RSRC1: variants seen among roughly 807,000 people sequenced by gnomAD.
RSRC1 encodes the protein arginine and serine rich coiled-coil 1, also known as serine/Arginine-related protein 53.
Under a neutral mutation model 49.1 loss-of-function variants are expected in RSRC1, and 39 were observed. The observed-to-expected ratio is 0.79, with a 90% CI of 0.61 to 1.04. The LOEUF (loss-of-function observed/expected upper bound fraction) is 1.04. Among genes scored for constraint, RSRC1 ranks in the 50% least tolerant of loss-of-function variants. The pLI, the probability that RSRC1 is intolerant of heterozygous loss-of-function variation, is 0.00. For synonymous variants in RSRC1, 143 were observed against 130.8 expected (o/e 1.09, Z -0.63); for missense variants, 388 against 402.4 (o/e 0.96, Z 0.31).
chr3:158,284,400 A>G (rs945030180), intron 4 of RSRC1, among the ~76,000 whole-genome samples: 2 of 146,762 alleles, frequency 1.4e-5, no homozygotes, highest in Admixed American at 6.8e-5. Context: ...TCCTTTGGGT[A>G]TATACCCAGT....
At chr3:158,314,154 G>A (rs761617620) in intron 5 of RSRC1, among the ~76,000 whole-genome samples, 8 of 152,098 alleles carry the variant, frequency 5.3e-5, no homozygotes, top group Non-Finnish European at 8.8e-5. Flanking sequence ...GCAGTGGCAC[G>A]ATCTCAGCTC....
chr3:158,180,804 C>CTTT (rs71144445), intron 3 of RSRC1, among the ~76,000 whole-genome samples: 21 of 107,394 alleles, frequency 2.0e-4, no homozygotes, highest in South Asian at 3.2e-4. Flanking sequence ...GGATTATATG[C>CTTT]TTTTTTTTTT....
chr3:158,411,684 C>T (rs1239386694), intron 6 of RSRC1, among the ~76,000 whole-genome samples: 1 of 151,880 alleles, frequency 6.6e-6, no homozygotes, highest in African/African-American at 2.4e-5. Context: ...CACCTGGCAG[C>T]ATTTTAATTT....
At chr3:158,287,190 G>A (rs1429017564) in intron 4 of RSRC1, among the ~76,000 whole-genome samples, 2 of 152,120 alleles carry the variant, frequency 1.3e-5, no homozygotes, top group African/African-American at 4.8e-5. Flanking sequence ...ATTTGGGATT[G>A]TTGACTGTGT....
intron 7 of RSRC1, among the ~76,000 whole-genome samples, chr3:158,472,116 T>A (rs1264827051): frequency 2.0e-5 from 3 of 152,138 alleles, no homozygotes; most frequent in African/African-American, 7.2e-5. Context: ...TACCCAGCCC[T>A]TGTTCCTACC....
chr3:158,186,461 C>G (rs144669695), intron 3 of RSRC1, among the ~76,000 whole-genome samples: 2 of 152,040 alleles, frequency 1.3e-5, no homozygotes, highest in South Asian at 2.1e-4. Context: ...TCAGATTTAA[C>G]AAGGGAACCA....
At position 158,229,033 on chromosome 3, in the gene RSRC1, T is replaced by TATAAACACACATACGTGTATATGTGC. The variant is rs1578218325; in HGVS notation, c.494+25788_494+25789insATAAACACACATACGTGTATATGTGC. ...ATAAACACACATACGTGTATATGTG[T>TATAAACACACATACGTGTATATGTGC]GTATAAACACACATACGTGTATATG... On this transcript the variant is annotated intron_variant, in intron 4 of 9. Coordinates refer to ENST00000611884, the MANE Select transcript of RSRC1 (RefSeq NM_001271838.2). Among the ~76,000 whole-genome samples, 4 of 94,684 alleles carry TATAAACACACATACGTGTATATGTGC rather than the reference T, an allele frequency of 4.2e-5. 1 individual carries two copies. The East Asian group carries it at 1.9e-3, about 45-fold the overall frequency. The allele number at this position is 94,684 out of a possible 152,430, so 62.1% of individuals were successfully genotyped here.
At chr3:158,296,029 A>G (rs1372012948) in intron 4 of RSRC1, among the ~76,000 whole-genome samples, 2 of 152,140 alleles carry the variant, frequency 1.3e-5, no homozygotes, top group Admixed American at 1.3e-4. Flanking sequence ...ATTGTATGAC[A>G]TACCTTAACC....
chr3:158,232,552 G>GAGGCT (rs1473568927), intron 4 of RSRC1, among the ~76,000 whole-genome samples: 2 of 152,124 alleles, frequency 1.3e-5, no homozygotes, highest in Non-Finnish European at 2.9e-5. Flanking sequence ...CAAGTATATA[G>GAGGCT]AACCTTGGGT....
chr3:158,322,876 G>A (rs973844399), intron 5 of RSRC1, among the ~76,000 whole-genome samples: 2 of 151,710 alleles, frequency 1.3e-5, no homozygotes, highest in South Asian at 4.2e-4. Context: ...TCTTTCTTCT[G>A]CCATCTCAGA....
intron 6 of RSRC1, among the ~76,000 whole-genome samples, chr3:158,440,479 C>T (rs1390422999): frequency 1.3e-5 from 2 of 151,988 alleles, no homozygotes; most frequent in Middle Eastern, 3.2e-3. Context: ...TCAGGCATAC[C>T]TTTCCCAAAC....
At chr3:158,436,998 A>G (rs1578476196) in intron 6 of RSRC1, among the ~76,000 whole-genome samples, 2 of 149,166 alleles carry the variant, frequency 1.3e-5, no homozygotes. Flanking sequence ...CATTCTTTAA[A>G]TATCTCTGCT....
chr3:158,289,245 T>G (rs1445764578), intron 4 of RSRC1, among the ~76,000 whole-genome samples: 4 of 152,228 alleles, frequency 2.6e-5, no homozygotes, highest in Non-Finnish European at 4.4e-5. Flanking sequence ...TATTGAACTC[T>G]CTTCTCTTTC....
At chr3:158,465,718 T>C (rs976006442) in intron 7 of RSRC1, among the ~76,000 whole-genome samples, 1 of 152,198 alleles carries the variant, frequency 6.6e-6, no homozygotes, top group Non-Finnish European at 1.5e-5. Context: ...GGTGGTTCCA[T>C]TGTAAGATTT....
intron 6 of RSRC1, among the ~76,000 whole-genome samples, chr3:158,388,589 G>A (rs1249207643): frequency 2.0e-5 from 3 of 148,982 alleles, no homozygotes; most frequent in Admixed American, 1.4e-4. Context: ...GGCATTTGGG[G>A]AGCCAAATTA....
At chr3:158,238,747 C>T (rs992794829) in intron 4 of RSRC1, among the ~76,000 whole-genome samples, 4 of 152,066 alleles carry the variant, frequency 2.6e-5, no homozygotes, top group Non-Finnish European at 5.9e-5. Flanking sequence ...AATGTTAGAC[C>T]TGAAACTATG....
At chr3:158,151,337 T>C (rs574214063) in intron 3 of RSRC1, among the ~76,000 whole-genome samples, 1 of 152,264 alleles carries the variant, frequency 6.6e-6, no homozygotes, top group East Asian at 1.9e-4. Flanking sequence ...GCAAGGCCTG[T>C]TTGTTCAGAT....
At chr3:158,463,965 T>G (rs1213083290) in intron 7 of RSRC1, among the ~76,000 whole-genome samples, 1 of 151,912 alleles carries the variant, frequency 6.6e-6, no homozygotes, top group Non-Finnish European at 1.5e-5. Flanking sequence ...ATAGGAATGT[T>G]ATATCTTTCA....
intron 4 of RSRC1, among the ~76,000 whole-genome samples, chr3:158,275,548 A>C (rs546618344): frequency 1.2e-4 from 18 of 152,318 alleles, no homozygotes; most frequent in Admixed American, 5.2e-4. Flanking sequence ...ATTTATTTTA[A>C]ACCTATTATA....
Sources: allele counts gnomAD v4.1 joint callset (sites outside exome capture counted in the v4.1 genomes callset), GRCh38; gene constraint gnomAD v4.1.1; transcripts MANE v1.5; gene names NCBI Gene and HGNC (gene_info 2026-07-23, HGNC 2026-07-21).